The following PTPRA variants were observed in gnomAD, a reference collection of about 807,000 sequenced individuals.
PTPRA encodes receptor-type tyrosine-protein phosphatase alpha.
In PTPRA, 25 loss-of-function variants were observed where a neutral mutation model predicts 104.8. That is an observed-to-expected ratio of 0.24 (90% CI 0.17 to 0.33). The LOEUF is 0.33. PTPRA is among the 10% of genes least tolerant of loss of function. The pLI is 1.00. For missense variants in PTPRA, 765 were observed against 1,015.3 expected, an observed-to-expected ratio of 0.75 and a Z score of 3.35; for synonymous variants, 323 against 368.9, an observed-to-expected ratio of 0.88 and a Z score of 1.43.
At chr20:2,954,732 T>G (rs1287811953) in intron 3 of PTPRA, among the ~76,000 whole-genome samples, 1 of 152,252 alleles carries the variant, frequency 6.6e-6, no homozygotes, top group East Asian at 1.9e-4. Context: ...TTTTGTTTTG[T>G]TGCTTGTGCT....
intron 20 of PTPRA, among the ~76,000 whole-genome samples, chr20:3,030,063 A>G (rs995752966): frequency 2.0e-5 from 3 of 152,096 alleles, no homozygotes; most frequent in African/African-American, 7.2e-5. Flanking sequence ...CAGATCTGTG[A>G]TGGGCAGGAC....
the PTPRA span, chr20:2,865,270 C>A: frequency 6.2e-7 from 1 of 1,614,210 alleles, no homozygotes; most frequent in Non-Finnish European, 8.5e-7. The surrounding 1 kb of genome is among the most constrained non-coding windows in gnomAD (Gnocchi z 5.2). Flanking sequence ...GCGGTCACAA[C>A]AAGCGTGCAG....
rs962662691 is a variant in PTPRA at position 3,023,366 on chromosome 20, G to T, written c.1464+542G>T. Among the ~76,000 whole-genome samples, 3 of 152,148 alleles carry T rather than the reference G, an allele frequency of 2.0e-5. No homozygotes were observed. In the East Asian group the frequency reaches 5.8e-4, roughly 29 times the overall value. On this transcript the variant is annotated intron_variant, in intron 16 of 23. Coordinates refer to ENST00000399903, the MANE Select transcript of PTPRA (RefSeq NM_001385305.1). ...TGAGGAGGATTAGTGAAAGAGGAAG[G>T]CTTCTTTGGAGTTAAGATAAGAGGA...
At chr20:2,866,107 A>G in the PTPRA span, 1 of 962,428 alleles carries the variant, frequency 1.0e-6, no homozygotes. Flanking sequence ...GTGTATACAT[A>G]TAGAATATAT....
intron 2 of PTPRA, among the ~76,000 whole-genome samples, chr20:2,935,327 CTTTT>C (rs919697853): frequency 6.6e-6 from 1 of 152,088 alleles, no homozygotes; most frequent in Non-Finnish European, 1.5e-5. Flanking sequence ...AGAATTTATT[CTTTT>C]TTTAAGGCTG....
At chr20:2,864,301 TG>T in the PTPRA span, 8 of 1,613,794 alleles carry the variant, frequency 5.0e-6, no homozygotes, top group Admixed American at 3.3e-5. This position sits in a 1 kb window ranked among gnomAD's most constrained non-coding sequence, Gnocchi z 5.2. Flanking sequence ...AGGGCAAGGC[TG>T]GGGGGCCCCT....
intron 2 of PTPRA, among the ~76,000 whole-genome samples, chr20:2,931,080 A>G (rs980167071): frequency 8.5e-5 from 13 of 152,138 alleles, no homozygotes; most frequent in Non-Finnish European, 1.3e-4. Context: ...GACCAGATCA[A>G]TGTTATGGAA....
chr20:2,928,459 A>G (rs1478788098), intron 2 of PTPRA, among the ~76,000 whole-genome samples: 3 of 152,164 alleles, frequency 2.0e-5, no homozygotes, highest in African/African-American at 7.2e-5. Flanking sequence ...TTGGTTGACT[A>G]TAGAATTCTA....
At chr20:2,868,972 T>G (rs145409557), upstream of PTPRA, among the ~76,000 whole-genome samples, 850 of 152,314 alleles carry the variant, frequency 5.6e-3, 5 homozygotes, top group Middle Eastern at 0.014. Context: ...ATAAAAGGTG[T>G]GTGTGCATGT....
At chr20:2,962,871 T>C (rs2061805905) in intron 3 of PTPRA, among the ~76,000 whole-genome samples, 2 of 151,944 alleles carry the variant, frequency 1.3e-5, no homozygotes, top group South Asian at 4.2e-4. Flanking sequence ...CTCCTTCTCT[T>C]CCCCCCCTAC....
chr20:3,014,542 G>C (rs572298414), intron 11 of PTPRA, among the ~76,000 whole-genome samples: 3 of 152,284 alleles, frequency 2.0e-5, no homozygotes, highest in African/African-American at 7.2e-5. Flanking sequence ...TCCTTGGGAA[G>C]CTGAGGCAGG....
chr20:3,010,447 T>G (rs1411798832), intron 11 of PTPRA, among the ~76,000 whole-genome samples: 1 of 151,532 alleles, frequency 6.6e-6, no homozygotes, highest in African/African-American at 2.4e-5. Context: ...GCTAACACGG[T>G]GAAACCCCGT....
chr20:2,943,738 A>G (rs2061016927), intron 2 of PTPRA, among the ~76,000 whole-genome samples: 1 of 152,226 alleles, frequency 6.6e-6, no homozygotes, highest in African/African-American at 2.4e-5. Context: ...ACTATCTTGC[A>G]TGTAGCCGAA....
intron 1 of PTPRA, among the ~76,000 whole-genome samples, chr20:2,909,856 A>G (rs1415445650): frequency 7.9e-6 from 1 of 127,062 alleles, no homozygotes; most frequent in East Asian, 2.1e-4. Flanking sequence ...AAGATAATAT[A>G]TATTATATAA....
At position 3,019,011 on chromosome 20, in the gene PTPRA, C is replaced by T. The variant is rs1224202860; in HGVS notation, c.1041+1098C>T. ...CCCCCAACCTCCCTCCCGGACAGGG[C>T]AGCTGGCCGGGCGGGGGGGCTGACC... On this transcript the variant is annotated intron_variant, in intron 13 of 23. Coordinates refer to ENST00000399903, the MANE Select transcript of PTPRA (RefSeq NM_001385305.1). Among the ~76,000 whole-genome samples the T allele has an allele frequency of 2.7e-3, 366 of 135,780 alleles. 23 individuals are homozygous for T. Among genetic ancestry groups the T allele is most frequent in the African/African-American group, 9.5e-3 (342 of 35,900 alleles). 89.1% of individuals were successfully genotyped at this position (135,780 alleles called of 152,430 possible).
intron 1 of PTPRA, among the ~76,000 whole-genome samples, chr20:2,889,756 G>A (rs1285150498): frequency 2.6e-5 from 4 of 152,136 alleles, no homozygotes; most frequent in Non-Finnish European, 4.4e-5. Flanking sequence ...ATTTGAGACT[G>A]GGAAAGGGAA....
At chr20:2,956,659 TAAAA>T (rs1418547443) in intron 3 of PTPRA, among the ~76,000 whole-genome samples, 24 of 95,906 alleles carry the variant, frequency 2.5e-4, no homozygotes, top group African/African-American at 1.2e-3. Flanking sequence ...TCTCAGTAAA[TAAAA>T]ATAAATAAAT....
chr20:2,904,526 G>A (rs181679550), intron 1 of PTPRA, among the ~76,000 whole-genome samples: 7 of 151,902 alleles, frequency 4.6e-5, no homozygotes, highest in East Asian at 1.9e-4. Flanking sequence ...AAAATTAGCC[G>A]GGCATGGTAG....
chr20:2,908,035 T>A (rs2059490095), intron 1 of PTPRA, among the ~76,000 whole-genome samples: 1 of 152,196 alleles, frequency 6.6e-6, no homozygotes. Flanking sequence ...AGCTTCTTCA[T>A]GATTTAATTC....
Sources: allele counts gnomAD v4.1 joint callset (sites outside exome capture counted in the v4.1 genomes callset), GRCh38; gene constraint gnomAD v4.1.1; non-coding constraint Gnocchi (gnomAD v3.1); transcripts MANE v1.5; gene names NCBI Gene and HGNC (gene_info 2026-07-23, HGNC 2026-07-21).